Variants in UNC5B observed in about 807,000 individuals in gnomAD.
UNC5B encodes unc-5 netrin receptor B, also known as netrin receptor UNC5B.
A neutral mutation model predicts 103.7 loss-of-function variants in UNC5B; 56 were observed. The observed-to-expected ratio is 0.54, with a 90% confidence interval of 0.44 to 0.67. The LOEUF is 0.67. Among genes scored for constraint, UNC5B ranks in the 30% least tolerant of loss-of-function variants. The pLI is 0.00. For missense variants in UNC5B, 1,194 were observed against 1,284.5 expected, an observed-to-expected ratio of 0.93 and a Z score of 1.08; for synonymous variants, 577 against 542.0, an observed-to-expected ratio of 1.06 and a Z score of -0.90.
chr10:71,291,307 AAGC>A, intron 9 of UNC5B, 122 bp from the exon 10 acceptor site: 2 of 1,457,718 alleles, frequency 1.4e-6, no homozygotes, highest in Non-Finnish European at 1.8e-6. Context: ...GGGATTCCCA[AAGC>A]TTCCTGCAGC....
intron 1 of UNC5B, among the ~76,000 whole-genome samples, chr10:71,263,774 TCCCCTCTCCCAGGGGCTGGGCTAGCCAA>T (rs1364718926): frequency 6.6e-6 from 1 of 151,960 alleles, no homozygotes; most frequent in Non-Finnish European, 1.5e-5. Context: ...CAAATGACCA[TCCCCTCTCCCAGGGGCTGGGCTAGCCAA>T]CACCAAGCCA....
intron 1 of UNC5B, among the ~76,000 whole-genome samples, chr10:71,227,064 A>G (rs577520872): frequency 2.0e-5 from 3 of 151,410 alleles, no homozygotes; most frequent in Non-Finnish European, 2.9e-5. Flanking sequence ...GGCTCACTAC[A>G]ACCTCCGCCT....
chr10:71,298,702 A>G (rs965152745), intron 16 of UNC5B, among the ~76,000 whole-genome samples: 3 of 152,152 alleles, frequency 2.0e-5, no homozygotes, highest in African/African-American at 7.2e-5. Flanking sequence ...TCCTCCTATC[A>G]GGGGAGTTCA....
rs1193326702 is a variant in UNC5B at position 71,288,985 on chromosome 10, G to A, written c.1094G>A (p.Ser365Asn). 6.2e-7 allele frequency: 1 copy of A among 1,613,994 alleles called. No homozygotes were observed. The highest frequency in any genetic ancestry group is 1.3e-5 in the African/African-American group (1 of 74,900). The change falls in exon 8 of 17, where the codon AGC (serine) becomes AAC (asparagine). Residue 365 changes from serine (S) to asparagine (N), a missense_variant. Physicochemically the swap from Ser to Asn is conservative, Grantham distance 46. Transcript: ENST00000335350. ...AAGAAAACTCTAAGCGACCCCAACA[G>A]CCACCGTAAGTCCCATTTCATGGCT... ...QNKKTLSDPN[S>N]HLLEASGDAA... is the part of the protein sequence containing the mutation.
At chr10:71,297,615 G>T (rs1258640530) in intron 15 of UNC5B, among the ~76,000 whole-genome samples, 1 of 152,234 alleles carries the variant, frequency 6.6e-6, no homozygotes, top group Non-Finnish European at 1.5e-5. Context: ...GGTGCATGTG[G>T]ATTAGACTGT....
chr10:71,243,121 G>A (rs1424472190), intron 1 of UNC5B, among the ~76,000 whole-genome samples: 1 of 152,184 alleles, frequency 6.6e-6, no homozygotes, highest in Non-Finnish European at 1.5e-5. Context: ...TATAATCCCA[G>A]CTACTTGGGA....
chr10:71,229,433 A>C (rs1454979248), intron 1 of UNC5B, among the ~76,000 whole-genome samples: 1 of 152,094 alleles, frequency 6.6e-6, no homozygotes, highest in Non-Finnish European at 1.5e-5. Context: ...TGTTTATTAC[A>C]CCCTTGACAG....
intron 1 of UNC5B, among the ~76,000 whole-genome samples, chr10:71,248,825 G>A (rs1244827875): frequency 6.7e-6 from 1 of 150,068 alleles, no homozygotes; most frequent in African/African-American, 2.5e-5. Flanking sequence ...TGAAGCAGTG[G>A]GTACAGGCTC....
At chr10:71,253,965 C>T (rs951196790) in intron 1 of UNC5B, among the ~76,000 whole-genome samples, 1 of 152,166 alleles carries the variant, frequency 6.6e-6, no homozygotes, top group Non-Finnish European at 1.5e-5. Context: ...CATGTCAACT[C>T]CATCAACCTT....
At chr10:71,296,314 C>T (rs943708584) in intron 14 of UNC5B, among the ~76,000 whole-genome samples, 8 of 152,196 alleles carry the variant, frequency 5.3e-5, no homozygotes, top group South Asian at 2.1e-4. Flanking sequence ...CACCCAGCAG[C>T]GCCTGAGACC....
In UNC5B at chr10:71,293,925, G is replaced by A. The variant is rs753931456; in HGVS notation, c.2167G>A (p.Ala723Thr). Residue 723 changes from alanine to threonine, a missense_variant, in exon 13 of 17, where the codon GCA (alanine) becomes ACA (threonine). Transcript: ENST00000335350. ...CTACTGCCTGGAGGACACGCCTGTA[G>A]CACTGAAGGTAGGGCCAGCTGCAGG... ...RVYCLEDTPV[A>T]LKEVLELERT... 6.3e-7 allele frequency: 1 copy of A among 1,598,326 alleles called. No individual in the cohort carries two copies. Among genetic ancestry groups the A allele is most frequent in the Non-Finnish European group, 8.5e-7 (1 of 1,176,752 alleles).
chr10:71,301,009 C>G lies in UNC5B; in HGVS notation c.*1732C>G, dbSNP rs990675282. The G allele has an allele frequency of 6.6e-6, 1 of 152,362 alleles. No individual in the cohort carries two copies. The highest frequency in any genetic ancestry group is 6.5e-5 in the Admixed American group (1 of 15,284). The allele number at this position is 152,362 out of a possible 1,614,324, so 9.4% of individuals were successfully genotyped here. A position where few individuals can be genotyped will look rare whatever the true frequency, so the allele number is the denominator to read the frequency against. On this transcript the variant is annotated 3_prime_UTR_variant, in exon 17 of 17. Coordinates refer to ENST00000335350, the MANE Select transcript of UNC5B (RefSeq NM_170744.5). Reference sequence around the variant, plus strand: ...ATGAGTCCCTGCCCTGTGCAGCTGCCTGGCAGTGGCTGGGACAAGGATCTT... The same window carrying G: ...ATGAGTCCCTGCCCTGTGCAGCTGCGTGGCAGTGGCTGGGACAAGGATCTT...
intron 1 of UNC5B, among the ~76,000 whole-genome samples, chr10:71,261,499 C>T (rs150394792): frequency 6.6e-6 from 1 of 152,340 alleles, no homozygotes; most frequent in African/African-American, 2.4e-5. Flanking sequence ...CCCTGACTTC[C>T]CCAAAGGACA....
chr10:71,220,653 C>A (rs1843435580), intron 1 of UNC5B, among the ~76,000 whole-genome samples: 1 of 152,180 alleles, frequency 6.6e-6, no homozygotes, highest in African/African-American at 2.4e-5. Context: ...ATAACATCAT[C>A]CTCAGAATTG....
Position 71,219,428 on chromosome 10 carries a change from A to C in UNC5B, c.79+6364A>C, listed in dbSNP as rs1490949414. On this transcript the variant is annotated intron_variant, in intron 1 of 16. Transcript: ENST00000335350. ...AGTCTGATGTTCGAGGGCAGAAAGC[A>C]TCCAGCACGGGAGAAAGATGTAGGC... 2.0e-5 allele frequency among the ~76,000 whole-genome samples: 3 copies of C among 152,326 alleles called. No homozygotes were observed. In the East Asian group the frequency reaches 5.8e-4, roughly 29 times the overall value.
At chr10:71,296,831 A>G (rs1845440013) in intron 15 of UNC5B, 89 bp downstream of exon 15, 1 of 871,642 alleles carries the variant, frequency 1.1e-6, no homozygotes, top group African/African-American at 1.8e-5. Context: ...GCTGCACACC[A>G]CGCTGGCGGA....
rs375543945 is a variant in UNC5B, at chr10:71,279,944, G to T, written c.203G>T (p.Arg68Leu). The T allele has an allele frequency of 6.2e-7, 1 of 1,613,980 alleles. No individual in the cohort carries two copies. The highest frequency in any genetic ancestry group is 1.3e-5 in the African/African-American group (1 of 75,060). ...YIVKNKPVEL[R>L]CRAFPATQIY... ...GTGAAGAACAAGCCTGTGGAGCTCC[G>T]CTGCCGCGCCTTCCCCGCCACACAG... Residue 68 changes from arginine (R) to leucine (L), a missense_variant, in exon 2 of 17, where the codon CGC becomes CTC. By Grantham distance (102) the Arg-to-Leu change is moderately radical. Coordinates refer to ENST00000335350, the MANE Select transcript of UNC5B (RefSeq NM_170744.5).
chr10:71,292,337 C>T lies in UNC5B; in HGVS notation c.1685-130C>T, dbSNP rs1485894989. 1.5e-5 allele frequency: 11 copies of T among 751,904 alleles called. No individual in the cohort carries two copies. The South Asian group carries it at 1.8e-4, about 12-fold the overall frequency. 46.6% of individuals were successfully genotyped at this position (751,904 alleles called of 1,614,324 possible). A position where few individuals can be genotyped will look rare whatever the true frequency, so the allele number is the denominator to read the frequency against. ...GCATCCAGTCCCCAGACCCTGTCTC[C>T]CACCCCTGGCTGGGGACTACCTGGA... On this transcript the variant is annotated intron_variant, in intron 10 of 16. Coordinates refer to ENST00000335350, the MANE Select transcript of UNC5B (RefSeq NM_170744.5).
At chr10:71,285,561 G>T in intron 4 of UNC5B, 132 bp downstream of exon 4, 1 of 800,864 alleles carries the variant, frequency 1.2e-6, no homozygotes, top group Non-Finnish European at 1.9e-6. Context: ...ATGAGATCGA[G>T]GCTTAGCACA....
Sources: gnomAD v4.1 joint callset for allele counts (sites outside exome capture counted in the v4.1 genomes callset) on GRCh38, gnomAD v4.1.1 for gene constraint, MANE v1.5 for transcripts, NCBI Gene and HGNC (gene_info 2026-07-23, HGNC 2026-07-21) for gene names.